Variants in RTN3 observed in about 807,000 individuals in gnomAD.
RTN3 encodes reticulon-3.
RTN3 carries 49 observed loss-of-function variants against 77.8 expected under a neutral mutation model. The observed-to-expected ratio is 0.63, with a 90% CI of 0.50 to 0.80. The LOEUF is 0.80. Ranked by LOEUF, RTN3 falls within the 30% of genes least tolerant of loss-of-function variation. The pLI is 0.00. For synonymous variants in RTN3, 464 were observed against 446.9 expected (o/e 1.04, Z -0.48); for missense variants, 1,236 against 1,211.9 (o/e 1.02, Z -0.29).
chr11:63,702,742 A>G (rs1201765), intron 1 of RTN3, among the ~76,000 whole-genome samples: 7 of 150,844 alleles, frequency 4.6e-5, no homozygotes, highest in Non-Finnish European at 8.8e-5. Flanking sequence ...CTGGAGTGCA[A>G]TGGCGTGATC....
chr11:63,701,121 T>G (rs1942218518), intron 1 of RTN3, among the ~76,000 whole-genome samples: 1 of 151,744 alleles, frequency 6.6e-6, no homozygotes, highest in Non-Finnish European at 1.5e-5. Context: ...CAGCTTTTAG[T>G]GCTCATATAT....
rs1249059282 is a variant in RTN3 at position 63,756,158 on chromosome 11, C to T, written c.3041C>T (p.Ser1014Leu). Reference sequence around the variant, plus strand: ...GGCATCGCCCGAGATCAGACCAAGTCAATTGTTGAAAAGTAAGTACATTTA... The same window carrying T: ...GGCATCGCCCGAGATCAGACCAAGTTAATTGTTGAAAAGTAAGTACATTTA... The part of the protein sequence containing the change: ...YVGIARDQTK[S>L]IVEKIQAKLP... The change falls in exon 8 of 9, where the codon TCA becomes TTA. Residue 1014 changes from serine to leucine, a missense_variant. This residue lies in a region of RTN3 where 141 missense variants were observed against 154.9 expected (regional missense o/e 0.91). Coordinates refer to ENST00000377819, the MANE Select transcript of RTN3 (RefSeq NM_001265589.2). The T allele has an allele frequency of 1.2e-6, 2 of 1,611,950 alleles. No individual in the cohort carries two copies. Among genetic ancestry groups the T allele is most frequent in the Non-Finnish European group, 1.7e-6 (2 of 1,178,090 alleles).
Position 63,750,068 on chromosome 11 carries a change from C to T in RTN3, c.2608C>T (p.Leu870=). ...FGTTLIMLLS[L]AAFSVISVVS... ...CACCACGCTGATCATGCTGCTTTCC[C>T]TGGCAGCTTTCAGTGTCATCAGTGT... Residue 870 remains leucine, a synonymous_variant, in exon 4 of 9, where the codon CTG becomes TTG. Coordinates refer to ENST00000377819, the MANE Select transcript of RTN3 (RefSeq NM_001265589.2). 6 of 1,613,584 alleles carry T rather than the reference C, an allele frequency of 3.7e-6. No individual in the cohort carries two copies. In the South Asian group the frequency reaches 6.6e-5, roughly 18 times the overall value.
chr11:63,741,201 A>ATT lies in RTN3; in HGVS notation c.2531-8788_2531-8787dup, dbSNP rs1170616532. ...TTTTATTATAGTTATTTATTTATTT[A>ATT]TTTATTTATTTATTTTTTGAGATGG... is the stretch of plus-strand genomic sequence containing the variant. On this transcript the variant is annotated intron_variant, in intron 3 of 8. Transcript: ENST00000377819. Among the ~76,000 whole-genome samples, 14 of 138,934 alleles carry ATT rather than the reference A, an allele frequency of 1.0e-4. No homozygotes were observed. In the East Asian group the frequency reaches 2.2e-3, roughly 22 times the overall value. The allele number at this position is 138,934 out of a possible 152,430, so 91.1% of individuals were successfully genotyped here.
At chr11:63,683,211 T>C (rs1256760396) in intron 1 of RTN3, among the ~76,000 whole-genome samples, 1 of 152,220 alleles carries the variant, frequency 6.6e-6, no homozygotes, top group East Asian at 1.9e-4. Flanking sequence ...GATAAAAGAA[T>C]GAGGCAGCAA....
rs1444222638 is a variant in RTN3, at chr11:63,728,896, A to G, written c.2530+7864A>G. On this transcript the variant is annotated intron_variant, in intron 3 of 8. Transcript: ENST00000377819. ...AGCGAGACTCCGTCTCAAAAAAAAA[A>G]AAAAAAGAAAAAAGAAAAGAAAGTA... is the stretch of plus-strand genomic sequence containing the variant. Among the ~76,000 whole-genome samples the G allele has an allele frequency of 6.1e-5, 9 of 148,230 alleles. No homozygotes were observed. In the South Asian group the frequency reaches 1.1e-3, roughly 18 times the overall value.
chr11:63,750,819 C>G (rs1160490148), intron 4 of RTN3, among the ~76,000 whole-genome samples: 1 of 152,104 alleles, frequency 6.6e-6, no homozygotes, highest in South Asian at 2.1e-4. Flanking sequence ...GCAAGCTCCT[C>G]CTCCTGGGTT....
chr11:63,683,075 T>G (rs994026942), intron 1 of RTN3, among the ~76,000 whole-genome samples: 16 of 152,328 alleles, frequency 1.1e-4, no homozygotes, highest in African/African-American at 3.6e-4. Context: ...CTTAAATGTA[T>G]TATTCTCTAC....
chr11:63,709,839 G>A (rs1369357134), intron 2 of RTN3, among the ~76,000 whole-genome samples: 2 of 152,108 alleles, frequency 1.3e-5, no homozygotes, highest in Non-Finnish European at 2.9e-5. Context: ...TAAGTTAGTG[G>A]CTACTACAGG....
rs1441510051 is a variant in RTN3 at position 63,720,522 on chromosome 11, T to C, written c.2020T>C (p.Phe674Leu). The C allele has an allele frequency of 6.2e-7, 1 of 1,614,078 alleles. No individual in the cohort carries two copies. Among genetic ancestry groups the C allele is most frequent in the Admixed American group, 1.7e-5 (1 of 60,002 alleles). ...KGIVDSERNA[F>L]KAISEKMTDF... ...AATAGTAGATAGTGAAAGAAATGCTTTTAAAGCAATATCAGAGAAGATGAC... is the reference window on the plus strand; with the variant it reads ...AATAGTAGATAGTGAAAGAAATGCTCTTAAAGCAATATCAGAGAAGATGAC... Residue 674 changes from phenylalanine to leucine, a missense_variant, in exon 3 of 9, where the codon TTT becomes CTT. By Grantham distance (22) the Phe-to-Leu change is conservative (BLOSUM62 0). This residue lies in a region of RTN3 where 1,056 missense variants were observed against 990.4 expected (regional missense o/e 1.07). Coordinates refer to ENST00000377819, the MANE Select transcript of RTN3 (RefSeq NM_001265589.2).
In RTN3 at chr11:63,719,614, A is replaced by C. The variant is rs762973092; in HGVS notation, c.1112A>C (p.Asn371Thr). The part of the protein sequence containing the change: ...KTTGLDMSEY[N>T]SEIPVVNLKT... ...ACAGGACTTGACATGAGTGAATATA[A>C]TTCAGAAATTCCAGTTGTAAATCTT... The change falls in exon 3 of 9, where the codon AAT (asparagine) becomes ACT (threonine). Residue 371 changes from asparagine (N) to threonine (T), a missense_variant. Transcript: ENST00000377819. The C allele has an allele frequency of 1.2e-6, 2 of 1,613,798 alleles. No homozygotes were observed. The highest frequency in any genetic ancestry group is 1.7e-6 in the Non-Finnish European group (2 of 1,179,946).
intron 2 of RTN3, among the ~76,000 whole-genome samples, chr11:63,706,180 TTTG>T (rs932485094): frequency 1.1e-4 from 16 of 152,138 alleles, no homozygotes; most frequent in South Asian, 4.2e-4. Context: ...TTTTTTTTAA[TTTG>T]TTGTTGTTGT....
intron 3 of RTN3, among the ~76,000 whole-genome samples, chr11:63,726,860 TGA>T (rs1565327684): frequency 2.8e-4 from 25 of 89,414 alleles, no homozygotes; most frequent in Middle Eastern, 7.4e-3. Flanking sequence ...AGACTCCGTC[TGA>T]AAAAAAAAAA....
At chr11:63,725,749 G>A (rs2012216539) in intron 3 of RTN3, among the ~76,000 whole-genome samples, 1 of 152,180 alleles carries the variant, frequency 6.6e-6, no homozygotes, top group Non-Finnish European at 1.5e-5. Flanking sequence ...ACCGCGCCCG[G>A]CCTTAAGTTA....
chr11:63,749,934 C>T (rs1314023077), intron 3 of RTN3, 57 bp from the exon 4 acceptor site: 1 of 1,256,238 alleles, frequency 8.0e-7, no homozygotes, highest in African/African-American at 1.5e-5. Context: ...CACAGGTATG[C>T]AAGACATAGT....
intron 3 of RTN3, among the ~76,000 whole-genome samples, chr11:63,735,550 TTCTCTCTCTCTCTCTCTCTCTCTCTC>T (rs71468640): frequency 2.3e-5 from 1 of 42,684 alleles, no homozygotes; most frequent in Non-Finnish European, 4.2e-5. Flanking sequence ...ATTCTAACAT[TTCTCTCTCTCTCTCTCTCTCTCTCTC>T]TCTCTCTCTC....
At chr11:63,737,597 G>A (rs1177412456) in intron 3 of RTN3, among the ~76,000 whole-genome samples, 3 of 152,108 alleles carry the variant, frequency 2.0e-5, no homozygotes, top group Admixed American at 1.3e-4. Context: ...TCAACAGAAT[G>A]AGACTCTGTC....
At chr11:63,708,944 A>G (rs778214897) in intron 2 of RTN3, among the ~76,000 whole-genome samples, 4 of 152,218 alleles carry the variant, frequency 2.6e-5, no homozygotes, top group Admixed American at 6.5e-5. Flanking sequence ...AACTTTTACT[A>G]TGCCCAGTAA....
At chr11:63,746,571 G>A (rs1445980307) in intron 3 of RTN3, among the ~76,000 whole-genome samples, 1 of 151,520 alleles carries the variant, frequency 6.6e-6, no homozygotes, top group Non-Finnish European at 1.5e-5. Flanking sequence ...CTAGAGTGAA[G>A]TGGCGCAATC....
Sources: gnomAD v4.1 joint callset for allele counts (sites outside exome capture counted in the v4.1 genomes callset) on GRCh38, gnomAD v4.1.1 for gene constraint, gnomAD v4.1.1 regional missense constraint, MANE v1.5 for transcripts, NCBI Gene and HGNC (gene_info 2026-07-23, HGNC 2026-07-21) for gene names.